Variants in VWA8 observed in about 807,000 individuals in gnomAD.
VWA8 encodes von Willebrand factor A domain-containing protein 8.
A neutral mutation model predicts 241.5 loss-of-function variants in VWA8; 221 were observed. That is an observed-to-expected ratio of 0.91 (90% confidence interval 0.82 to 1.02). The LOEUF is 1.02. Among genes scored for constraint, VWA8 ranks in the 50% least tolerant of loss-of-function variants. The probability of loss-of-function intolerance (pLI) is 0.00; values close to 1 mark genes in which losing one functional copy is unlikely to be tolerated. For synonymous variants in VWA8, 852 were observed against 827.1 expected (o/e 1.03, Z -0.52); for missense variants, 2,322 against 2,328.7 (o/e 1.00, Z 0.06).
At chr13:41,951,274 G>A (rs1442121936) in intron 1 of VWA8, among the ~76,000 whole-genome samples, 1 of 152,008 alleles carries the variant, frequency 6.6e-6, no homozygotes, top group Non-Finnish European at 1.5e-5. Context: ...AAAATTAGCT[G>A]GGCGTGGTGG....
intron 43 of VWA8, among the ~76,000 whole-genome samples, chr13:41,574,396 C>G (rs1053854990): frequency 6.6e-6 from 1 of 151,538 alleles, no homozygotes; most frequent in Admixed American, 6.6e-5. Context: ...AGGAAAACTA[C>G]AAAACACTGA....
At chr13:41,872,176 G>A (rs1370930149) in intron 9 of VWA8, among the ~76,000 whole-genome samples, 1 of 152,048 alleles carries the variant, frequency 6.6e-6, no homozygotes, top group African/African-American at 2.4e-5. Flanking sequence ...TTGTAAATTT[G>A]TTTGAGTTCT....
chr13:41,783,908 A>G lies in VWA8; in HGVS notation c.2171-7T>C. ...GTTCCAGATGTTACTTCACCTAAAC[A>G]TTTCACACAGGACGGATAATTATTC... On this transcript the variant is annotated splice_region_variant and splice_polypyrimidine_tract_variant and intron_variant, in intron 18 of 44. Transcript: ENST00000379310. 2 of 1,608,780 alleles carry G rather than the reference A, an allele frequency of 1.2e-6. No individual in the cohort carries two copies. Among genetic ancestry groups the G allele is most frequent in the South Asian group, 1.1e-5 (1 of 90,888 alleles).
intron 36 of VWA8, among the ~76,000 whole-genome samples, chr13:41,671,543 C>A (rs955918359): frequency 1.3e-5 from 2 of 152,116 alleles, no homozygotes; most frequent in East Asian, 3.9e-4. Flanking sequence ...CTTGTATCCG[C>A]ATCCCCCCGC....
intron 15 of VWA8, 41 bp downstream of exon 15, chr13:41,819,177 A>G (rs1009997861): frequency 3.8e-6 from 6 of 1,562,308 alleles, no homozygotes; most frequent in Non-Finnish European, 5.2e-6. Context: ...AAAAGAGATC[A>G]GCTTTTTAAG....
At chr13:41,703,262 T>C (rs764617971) in intron 27 of VWA8, 41 bp downstream of exon 27, 10 of 1,527,496 alleles carry the variant, frequency 6.5e-6, no homozygotes, top group Non-Finnish European at 9.0e-6. Flanking sequence ...GCAAAATTTA[T>C]AAGGTTCAAT....
chr13:41,891,583 G>A lies in VWA8; in HGVS notation c.488C>T (p.Ala163Val), dbSNP rs1359734589. 3 of 1,613,854 alleles carry A rather than the reference G, an allele frequency of 1.9e-6. No homozygotes were observed. The highest frequency in any genetic ancestry group is 1.7e-6 in the Non-Finnish European group (2 of 1,179,972). The change falls in exon 5 of 45, where the codon GCA (alanine) becomes GTA (valine). Residue 163 changes from alanine to valine, a missense_variant. Coordinates refer to ENST00000379310, the MANE Select transcript of VWA8 (RefSeq NM_015058.2). ...TCTGCCTTCTGTGGCTGCACGAACT[G>A]CACACTATTTCCAAGAAACGTAAAA... The part of the protein sequence containing the change: ...AGTAFYIDQC[A>V]VRAATEGRTL...
intron 12 of VWA8, among the ~76,000 whole-genome samples, chr13:41,847,657 G>C (rs986799424): frequency 6.6e-6 from 1 of 152,202 alleles, no homozygotes; most frequent in Admixed American, 6.5e-5. Flanking sequence ...TCTGGTGGTA[G>C]AGCCTGGACA....
At chr13:41,574,655 T>G (rs571088741) in intron 43 of VWA8, among the ~76,000 whole-genome samples, 1 of 152,224 alleles carries the variant, frequency 6.6e-6, no homozygotes, top group East Asian at 1.9e-4. Context: ...AGGCATCACA[T>G]TACAGGGCTT....
At chr13:41,769,021 G>C (rs2045799594) in intron 20 of VWA8, among the ~76,000 whole-genome samples, 1 of 151,200 alleles carries the variant, frequency 6.6e-6, no homozygotes, top group East Asian at 2.0e-4. Flanking sequence ...TCCAACCTCA[G>C]CCTCCTGAGT....
chr13:41,694,560 AAAATT>A (rs1282049413), intron 29 of VWA8, among the ~76,000 whole-genome samples: 4 of 152,090 alleles, frequency 2.6e-5, no homozygotes, highest in African/African-American at 9.7e-5. Flanking sequence ...AGAAAAAAAT[AAAATT>A]AAGTTAAAAA....
intron 20 of VWA8, among the ~76,000 whole-genome samples, chr13:41,767,796 T>C (rs2045789493): frequency 6.6e-6 from 1 of 152,260 alleles, no homozygotes; most frequent in East Asian, 1.9e-4. Context: ...TTTGAAATAC[T>C]GTGTTGCTAT....
At chr13:41,711,681 TA>T (rs1412157644) in intron 26 of VWA8, among the ~76,000 whole-genome samples, 1 of 152,142 alleles carries the variant, frequency 6.6e-6, no homozygotes, top group Admixed American at 6.5e-5. Flanking sequence ...GAGACCATCC[TA>T]GCTAACACGG....
At chr13:41,915,223 A>G (rs1299815363) in intron 2 of VWA8, among the ~76,000 whole-genome samples, 1 of 152,230 alleles carries the variant, frequency 6.6e-6, no homozygotes, top group African/African-American at 2.4e-5. Context: ...ATGTATAATC[A>G]TGTTTATGCT....
At chr13:41,839,455 T>C (rs1179240732) in intron 12 of VWA8, among the ~76,000 whole-genome samples, 1 of 152,200 alleles carries the variant, frequency 6.6e-6, no homozygotes, top group Non-Finnish European at 1.5e-5. Context: ...CTCACTCTGA[T>C]GATAGTTTCT....
At chr13:41,926,743 C>T (rs1392456537) in intron 2 of VWA8, 5 of 538,338 alleles carry the variant, frequency 9.3e-6, no homozygotes, top group Admixed American at 1.9e-5. Flanking sequence ...CTGACTTCAC[C>T]CCACCCTTCC....
At chr13:41,820,091 ATGACT>A (rs1045461546) in intron 14 of VWA8, among the ~76,000 whole-genome samples, 18 of 152,310 alleles carry the variant, frequency 1.2e-4, no homozygotes, top group Admixed American at 1.0e-3. Flanking sequence ...GGTTTGTGAA[ATGACT>A]TGAATTATTT....
chr13:41,603,498 T>A (rs1232066454), intron 40 of VWA8, among the ~76,000 whole-genome samples: 1 of 152,170 alleles, frequency 6.6e-6, no homozygotes, highest in African/African-American at 2.4e-5. Context: ...AGACATCAAC[T>A]AATACCAGAT....
At chr13:41,629,620 T>C (rs1490064283) in intron 37 of VWA8, among the ~76,000 whole-genome samples, 3 of 151,774 alleles carry the variant, frequency 2.0e-5, no homozygotes, top group African/African-American at 4.9e-5. Context: ...CATAGATATA[T>C]ACAATGAAAG....
Sources: gnomAD v4.1 joint callset for allele counts (sites outside exome capture counted in the v4.1 genomes callset) on GRCh38, gnomAD v4.1.1 for gene constraint, MANE v1.5 for transcripts, NCBI Gene and HGNC (gene_info 2026-07-23, HGNC 2026-07-21) for gene names.